The following PCDHGB4 variants were observed in gnomAD, a reference collection of about 807,000 sequenced individuals.
PCDHGB4 encodes the protein protocadherin gamma subfamily B, 4.
Under a neutral mutation model 60.5 loss-of-function variants are expected in PCDHGB4, and 38 were observed. The ratio of observed to expected loss-of-function variants is 0.63; its 90% CI spans 0.48 to 0.82. The LOEUF is 0.82. Ranked by LOEUF, PCDHGB4 falls within the 40% of genes least tolerant of loss-of-function variation. The pLI is 0.00. For missense variants in PCDHGB4, 1,109 were observed against 1,209.6 expected (o/e 0.92, Z 1.23); for synonymous variants, 456 against 509.7 (o/e 0.89, Z 1.42).
chr5:141,471,065 T>C (rs1355886133), intron 1 of PCDHGB4, among the ~76,000 whole-genome samples: 3 of 148,628 alleles, frequency 2.0e-5, no homozygotes, highest in Non-Finnish European at 3.0e-5. Context: ...TTTTTTTTTT[T>C]TGAGACAGGG....
intron 1 of PCDHGB4, chr5:141,399,316 T>C (rs1281033457): frequency 6.2e-7 from 1 of 1,613,772 alleles, no homozygotes; most frequent in Non-Finnish European, 8.5e-7. Flanking sequence ...ATCCAAAAAT[T>C]CGTATAAGTT....
At chr5:141,460,035 A>G (rs1246945474) in intron 1 of PCDHGB4, among the ~76,000 whole-genome samples, 1 of 152,140 alleles carries the variant, frequency 6.6e-6, no homozygotes, top group Non-Finnish European at 1.5e-5. Context: ...CCGAGACTGC[A>G]CCACTGCACT....
At chr5:141,478,236 T>C (rs2099440813) in intron 1 of PCDHGB4, 3 of 1,614,156 alleles carry the variant, frequency 1.9e-6, no homozygotes, top group Non-Finnish European at 2.5e-6. Flanking sequence ...GGGTTTGTGG[T>C]CACAGTGTTC....
In PCDHGB4 at chr5:141,477,244, G is replaced by T. The variant is rs367944211; in HGVS notation, c.2398-17563G>T. On this transcript the variant is annotated intron_variant, in intron 1 of 3. Coordinates refer to ENST00000519479, the MANE Select transcript of PCDHGB4 (RefSeq NM_003736.4). The surrounding 1 kb of genome is among the most constrained non-coding windows in gnomAD (Gnocchi z 4.9). ...GGACTGTCATCGCTTTGCTCAGTGT[G>T]ACTGACCTGGATGCTGGCGAGAACG... 9 of 1,614,190 alleles carry T rather than the reference G, an allele frequency of 5.6e-6. No homozygotes were observed. Among genetic ancestry groups the T allele is most frequent in the Non-Finnish European group, 7.6e-6 (9 of 1,180,052 alleles).
At chr5:141,415,477 C>T in intron 1 of PCDHGB4, 1 of 1,614,184 alleles carries the variant, frequency 6.2e-7, no homozygotes, top group Non-Finnish European at 8.5e-7. Flanking sequence ...CGCGGACTCG[C>T]GAAAGAGTCA....
intron 1 of PCDHGB4, among the ~76,000 whole-genome samples, chr5:141,435,357 T>C (rs749223776): frequency 6.6e-6 from 1 of 152,208 alleles, no homozygotes; most frequent in Non-Finnish European, 1.5e-5. Flanking sequence ...CATTTAAAAT[T>C]TTATCACTTA....
At chr5:141,450,453 C>T (rs1202828231) in intron 1 of PCDHGB4, among the ~76,000 whole-genome samples, 3 of 152,058 alleles carry the variant, frequency 2.0e-5, no homozygotes, top group East Asian at 1.9e-4. Flanking sequence ...TATGTTTCCT[C>T]GTGATTTTAT....
chr5:141,422,643 C>T, intron 1 of PCDHGB4: 1 of 1,612,336 alleles, frequency 6.2e-7, no homozygotes, highest in Non-Finnish European at 8.5e-7. Flanking sequence ...GTGCCTCCAT[C>T]TTCTCAGTGA....
rs767784412 is a variant in PCDHGB4, at chr5:141,388,434, G to A, written c.550G>A (p.Glu184Lys). 1.9e-6 allele frequency: 3 copies of A among 1,613,878 alleles called. No homozygotes were observed. Among genetic ancestry groups the A allele is most frequent in the Non-Finnish European group, 2.5e-6 (3 of 1,179,878 alleles). ...PSDHFSLINK[E>K]KSDGSKYPEM... The stretch of plus-strand genomic sequence containing the variant: ...TGATCATTTCTCACTGATAAATAAA[G>A]AGAAATCAGATGGCAGTAAATACCC... Residue 184 changes from glutamate to lysine, a missense_variant, in exon 1 of 4, where the codon GAG becomes AAG. By Grantham distance (56) the Glu-to-Lys change is moderately conservative (BLOSUM62 1). Around this residue, in one of 2 missense-constraint regions of PCDHGB4, gnomAD observed 1,068 missense variants for 1,089.9 expected, o/e 0.98. Transcript: ENST00000519479.
chr5:141,400,217 T>G, intron 1 of PCDHGB4: 1 of 1,614,034 alleles, frequency 6.2e-7, no homozygotes, highest in Non-Finnish European at 8.5e-7. Context: ...TTGATCTCAG[T>G]GCTCTTCCTC....
At chr5:141,443,872 A>C (rs1446612063) in intron 1 of PCDHGB4, among the ~76,000 whole-genome samples, 4 of 152,212 alleles carry the variant, frequency 2.6e-5, no homozygotes, top group African/African-American at 9.7e-5. Flanking sequence ...AAAATTACTG[A>C]TAAGTCAAGA....
intron 1 of PCDHGB4, among the ~76,000 whole-genome samples, chr5:141,397,737 C>T (rs2093564219): frequency 6.6e-6 from 1 of 152,164 alleles, no homozygotes. Flanking sequence ...GAGAAAGATA[C>T]CTTAAAGAAG....
chr5:141,388,412 T>G lies in PCDHGB4; in HGVS notation c.528T>G (p.Asp176Glu), dbSNP rs1381904129. ...TLQNYQLSPS[D>E]HFSLINKEKS... The stretch of plus-strand genomic sequence containing the variant: ...AGAATTACCAACTCAGTCCCAGTGA[T>G]CATTTCTCACTGATAAATAAAGAGA... The change falls in exon 1 of 4, where the codon GAT becomes GAG. Residue 176 changes from aspartate (D) to glutamate (E), a missense_variant. Physicochemically the swap from Asp to Glu is conservative, Grantham distance 45. Around this residue, in one of 2 missense-constraint regions of PCDHGB4, gnomAD observed 1,068 missense variants for 1,089.9 expected, o/e 0.98. Coordinates refer to ENST00000519479, the MANE Select transcript of PCDHGB4 (RefSeq NM_003736.4). 6.2e-7 allele frequency: 1 copy of G among 1,613,752 alleles called. No individual in the cohort carries two copies. Among genetic ancestry groups the G allele is most frequent in the African/African-American group, 1.3e-5 (1 of 74,926 alleles).
chr5:141,494,234 A>G (rs1299510042), intron 1 of PCDHGB4, among the ~76,000 whole-genome samples: 1 of 152,138 alleles, frequency 6.6e-6, no homozygotes, highest in Non-Finnish European at 1.5e-5. Context: ...CTAAATTAAT[A>G]ATGTATTTAG....
chr5:141,447,742 T>G (rs1440015460), intron 1 of PCDHGB4, among the ~76,000 whole-genome samples: 3 of 152,056 alleles, frequency 2.0e-5, no homozygotes, highest in Non-Finnish European at 4.4e-5. Flanking sequence ...AACTTAAGAG[T>G]CTTGCATGTG....
At chr5:141,438,875 A>G (rs2098071820) in intron 1 of PCDHGB4, among the ~76,000 whole-genome samples, 1 of 151,738 alleles carries the variant, frequency 6.6e-6, no homozygotes. Flanking sequence ...CAAGTTGGCC[A>G]GGCTGCTCTT....
chr5:141,426,753 A>G (rs1360041118), intron 1 of PCDHGB4: 3 of 456,298 alleles, frequency 6.6e-6, no homozygotes, highest in East Asian at 7.0e-5. Flanking sequence ...GGAATCTGCT[A>G]TAGATGCAGA....
chr5:141,423,868 T>G (rs2154550529), intron 1 of PCDHGB4: 1 of 1,283,788 alleles, frequency 7.8e-7, no homozygotes, highest in East Asian at 3.1e-5. Flanking sequence ...GTGAAAGTCA[T>G]TTTTCAATCT....
rs772536133 is a variant in PCDHGB4 at position 141,387,869 on chromosome 5, G to A, written c.-16G>A. The A allele has an allele frequency of 6.3e-7, 1 of 1,590,306 alleles. No homozygotes were observed. Among genetic ancestry groups the A allele is most frequent in the Non-Finnish European group, 8.5e-7 (1 of 1,169,930 alleles). ...GCGTCTCCAGGCTGGTGAGCAAGCT[G>A]AGGAGAGCAAGAGGGATGGGGAGCG... On this transcript the variant is annotated 5_prime_UTR_variant, in exon 1 of 4. Transcript: ENST00000519479.
Sources: gnomAD v4.1 joint callset for allele counts (sites outside exome capture counted in the v4.1 genomes callset) on GRCh38, gnomAD v4.1.1 for gene constraint, gnomAD v4.1.1 regional missense constraint, Gnocchi (gnomAD v3.1) non-coding constraint, MANE v1.5 for transcripts, NCBI Gene and HGNC (gene_info 2026-07-23, HGNC 2026-07-21) for gene names.